ANKS1B: variants seen among roughly 807,000 people sequenced by gnomAD.
ANKS1B encodes the protein ankyrin repeat and sterile alpha motif domain-containing protein 1B.
In ANKS1B, 36 loss-of-function variants were observed where a neutral mutation model predicts 148.3. The ratio of observed to expected loss-of-function variants is 0.24; its 90% CI spans 0.19 to 0.32. ANKS1B has a LOEUF of 0.32. Among genes scored for constraint, ANKS1B ranks in the 10% least tolerant of loss-of-function variants. The pLI is 1.00. For synonymous variants in ANKS1B, 542 were observed against 560.8 expected (o/e 0.97, Z 0.47); for missense variants, 1,157 against 1,542.6 (o/e 0.75, Z 4.19).
chr12:98,812,063 A>G (rs2153631255), intron 19 of ANKS1B, among the ~76,000 whole-genome samples: 1 of 152,338 alleles, frequency 6.6e-6, no homozygotes, highest in East Asian at 1.9e-4. Context: ...GTTATAACAA[A>G]TATTTTCTAT....
At chr12:98,798,607 C>G (rs1405207371) in intron 22 of ANKS1B, among the ~76,000 whole-genome samples, 1 of 151,960 alleles carries the variant, frequency 6.6e-6, no homozygotes, top group African/African-American at 2.4e-5. Flanking sequence ...AGTAAATATT[C>G]TCAGACTATT....
At chr12:99,731,951 C>T (rs1373944725) in intron 8 of ANKS1B, among the ~76,000 whole-genome samples, 3 of 152,026 alleles carry the variant, frequency 2.0e-5, no homozygotes, top group Non-Finnish European at 4.4e-5. Flanking sequence ...ATAAAGAATT[C>T]GTTCAACTGA....
chr12:99,741,659 A>G (rs1272743422), intron 8 of ANKS1B, among the ~76,000 whole-genome samples: 1 of 151,942 alleles, frequency 6.6e-6, no homozygotes, highest in Non-Finnish European at 1.5e-5. Flanking sequence ...AAAACCAAAC[A>G]CCGCATGTTC....
At chr12:99,517,976 T>A (rs2096838877) in intron 9 of ANKS1B, among the ~76,000 whole-genome samples, 1 of 152,170 alleles carries the variant, frequency 6.6e-6, no homozygotes, top group South Asian at 2.1e-4. Context: ...ATTGAAATGA[T>A]CATATGGTTT....
intron 1 of ANKS1B, among the ~76,000 whole-genome samples, chr12:99,976,392 C>G (rs1320384357): frequency 1.3e-5 from 2 of 151,952 alleles, no homozygotes; most frequent in African/African-American, 4.8e-5. Context: ...GAGATGATGC[C>G]AGCTGGCACA....
At chr12:99,764,371 C>A (rs1690319927) in intron 8 of ANKS1B, among the ~76,000 whole-genome samples, 1 of 152,150 alleles carries the variant, frequency 6.6e-6, no homozygotes, top group African/African-American at 2.4e-5. Context: ...TATATATAGA[C>A]AAAACATGAA....
intron 15 of ANKS1B, among the ~76,000 whole-genome samples, chr12:99,143,408 T>A (rs1387520473): frequency 6.6e-6 from 1 of 152,152 alleles, no homozygotes; most frequent in Admixed American, 6.6e-5. Context: ...ATGCCTGCGA[T>A]GCGCTTGATT....
At position 99,394,514 on chromosome 12, in the gene ANKS1B, G is replaced by T. The variant is rs538650446; in HGVS notation, c.1756+5117C>A. On this transcript the variant is annotated intron_variant, in intron 12 of 26. Coordinates refer to ENST00000683438, the MANE Select transcript of ANKS1B (RefSeq NM_001352186.2). ...TTCCAACCAAATTGCTCTTGTCAAG[G>T]TCAGCAGTGACCCCCCCACCCCCAA... 2.0e-5 allele frequency among the ~76,000 whole-genome samples: 3 copies of T among 152,002 alleles called. No individual in the cohort carries two copies. In the East Asian group the frequency reaches 5.9e-4, roughly 30 times the overall value.
chr12:98,883,153 A>G (rs570111287), intron 17 of ANKS1B, among the ~76,000 whole-genome samples: 4 of 152,318 alleles, frequency 2.6e-5, no homozygotes, highest in Admixed American at 6.5e-5. Flanking sequence ...ATTATTTCTT[A>G]TATTTCATAT....
rs1195889513 is a variant in ANKS1B, at chr12:99,086,615, AC to A, written c.2527-1593del. Among the ~76,000 whole-genome samples the A allele has an allele frequency of 2.0e-5, 3 of 152,190 alleles. No individual in the cohort carries two copies. In the East Asian group the frequency reaches 5.8e-4, roughly 29 times the overall value. ...AAAGTTGAGCCCACAATGTCCAAGG[AC>A]CAGTTCAGTCCTAAAATTCTGATTT... On this transcript the variant is annotated intron_variant, in intron 15 of 26. Coordinates refer to ENST00000683438, the MANE Select transcript of ANKS1B (RefSeq NM_001352186.2).
intron 1 of ANKS1B, among the ~76,000 whole-genome samples, chr12:99,890,185 G>T (rs61318345): frequency 0.031 from 4,785 of 152,252 alleles, 228 homozygotes; most frequent in African/African-American, 0.1. Context: ...ACTAGGCTAT[G>T]GTGCCCAGTT....
intron 17 of ANKS1B, among the ~76,000 whole-genome samples, chr12:98,883,329 C>T (rs994864723): frequency 9.2e-5 from 14 of 152,188 alleles, no homozygotes; most frequent in Admixed American, 8.5e-4. Flanking sequence ...CAAAATTCAG[C>T]ATATGGCCAG....
At chr12:98,889,255 C>A (rs1166154779) in intron 17 of ANKS1B, among the ~76,000 whole-genome samples, 1 of 152,188 alleles carries the variant, frequency 6.6e-6, no homozygotes, top group African/African-American at 2.4e-5. Context: ...AACATTTCAA[C>A]TGATCTAAAT....
chr12:99,221,024 T>A (rs1452878220), intron 14 of ANKS1B, among the ~76,000 whole-genome samples: 1 of 152,128 alleles, frequency 6.6e-6, no homozygotes, highest in Non-Finnish European at 1.5e-5. Context: ...CTTGATTAAA[T>A]AAACTACAAA....
intron 15 of ANKS1B, among the ~76,000 whole-genome samples, chr12:99,145,781 T>C (rs1194421458): frequency 6.6e-6 from 1 of 152,124 alleles, no homozygotes; most frequent in East Asian, 1.9e-4. Context: ...TCTGTCCTTT[T>C]ACTGAATTAA....
At chr12:99,063,117 T>C (rs1014060339) in intron 16 of ANKS1B, among the ~76,000 whole-genome samples, 1 of 152,156 alleles carries the variant, frequency 6.6e-6, no homozygotes, top group African/African-American at 2.4e-5. Flanking sequence ...CCGATATCCC[T>C]GATGTGCCAG....
intron 1 of ANKS1B, among the ~76,000 whole-genome samples, chr12:99,876,154 T>G (rs2092024406): frequency 6.6e-6 from 1 of 152,186 alleles, no homozygotes; most frequent in Non-Finnish European, 1.5e-5. Context: ...ATTCAACTTT[T>G]ACGTGATATT....
chr12:99,449,074 T>A lies in ANKS1B; in HGVS notation c.1439-5265A>T, dbSNP rs565788552. Among the ~76,000 whole-genome samples, 21 of 152,236 alleles carry A rather than the reference T, an allele frequency of 1.4e-4. No individual in the cohort carries two copies. In the East Asian group the frequency reaches 2.5e-3, roughly 18 times the overall value. On this transcript the variant is annotated intron_variant, in intron 10 of 26. Coordinates refer to ENST00000683438, the MANE Select transcript of ANKS1B (RefSeq NM_001352186.2). ...TGCTATCAAACCATTTTCTTAATTTTAGTAGACTTTTCTGTTCTAAAATTT... is the reference window on the plus strand; with the variant it reads ...TGCTATCAAACCATTTTCTTAATTTAAGTAGACTTTTCTGTTCTAAAATTT...
At chr12:99,165,089 G>A (rs2153832807) in intron 14 of ANKS1B, among the ~76,000 whole-genome samples, 1 of 152,024 alleles carries the variant, frequency 6.6e-6, no homozygotes, top group South Asian at 2.1e-4. Context: ...AATGGTACTT[G>A]GAGATAAATG....
Sources: allele counts gnomAD v4.1 joint callset (sites outside exome capture counted in the v4.1 genomes callset), GRCh38; gene constraint gnomAD v4.1.1; transcripts MANE v1.5; gene names NCBI Gene and HGNC (gene_info 2026-07-23, HGNC 2026-07-21).